BBS9: variants seen among roughly 807,000 people sequenced by gnomAD.
The protein encoded by BBS9 is protein PTHB1.
A neutral mutation model predicts 117.7 loss-of-function variants in BBS9; 89 were observed. The observed-to-expected ratio is 0.76, with a 90% CI of 0.64 to 0.90. The LOEUF is 0.90. Ranked by LOEUF, BBS9 falls within the 40% of genes least tolerant of loss-of-function variation. BBS9 has a pLI of 0.00. For synonymous variants in BBS9, 379 were observed against 370.9 expected (o/e 1.02, Z -0.25); for missense variants, 982 against 1,042.2 (o/e 0.94, Z 0.80).
chr7:33,610,024 C>T (rs1289550833), downstream of BBS9, among the ~76,000 whole-genome samples: 1 of 152,030 alleles, frequency 6.6e-6, no homozygotes, highest in East Asian at 1.9e-4. Context: ...TTTCACCAAT[C>T]ATGATTAAAA....
intron 5 of BBS9, among the ~76,000 whole-genome samples, chr7:33,220,157 G>A (rs561775769): frequency 6.6e-6 from 1 of 152,266 alleles, no homozygotes; most frequent in South Asian, 2.1e-4. Context: ...CCATGTGCCA[G>A]GCATTTTTCT....
At chr7:33,341,446 T>C (rs907395183) in intron 11 of BBS9, among the ~76,000 whole-genome samples, 1 of 152,038 alleles carries the variant, frequency 6.6e-6, no homozygotes, top group Admixed American at 6.6e-5. Flanking sequence ...TAAGAGTATA[T>C]AGTTGGTCCA....
At chr7:33,559,702 C>G (rs1338982557) in intron 21 of BBS9, among the ~76,000 whole-genome samples, 1 of 152,130 alleles carries the variant, frequency 6.6e-6, no homozygotes, top group African/African-American at 2.4e-5. Context: ...GATCATATCC[C>G]TCTAGAGCTT....
At chr7:33,199,926 T>C (rs1003131039) in intron 5 of BBS9, among the ~76,000 whole-genome samples, 1 of 152,046 alleles carries the variant, frequency 6.6e-6, no homozygotes, top group African/African-American at 2.4e-5. Context: ...GTTAATTTGA[T>C]AAAAATAAAA....
chr7:33,519,500 C>T (rs1270326540), intron 20 of BBS9, among the ~76,000 whole-genome samples: 2 of 152,142 alleles, frequency 1.3e-5, no homozygotes, highest in Non-Finnish European at 2.9e-5. Flanking sequence ...ATGTCAGTTA[C>T]AGTAGTCTAT....
intron 5 of BBS9, among the ~76,000 whole-genome samples, chr7:33,206,726 C>T (rs374148557): frequency 6.6e-6 from 1 of 152,082 alleles, no homozygotes; most frequent in East Asian, 1.9e-4. Flanking sequence ...TCTACTGTAT[C>T]ATCCAAATTC....
In BBS9 at chr7:33,425,049, G is replaced by A. The variant is rs1035545243; in HGVS notation, c.2115+36905G>A. ...TTCTATTTTACAGACAAGAAACTGAGCAGTGAGGAGGAAAACCACTTATCT... is the reference window on the plus strand; with the variant it reads ...TTCTATTTTACAGACAAGAAACTGAACAGTGAGGAGGAAAACCACTTATCT... On this transcript the variant is annotated intron_variant, in intron 19 of 22. Transcript: ENST00000242067. 1.8e-4 allele frequency among the ~76,000 whole-genome samples: 28 copies of A among 152,264 alleles called. 1 individual carries two copies. Among genetic ancestry groups the A allele is most frequent in the Admixed American group, 1.4e-3 (22 of 15,300 alleles).
chr7:33,293,037 C>T (rs989751515), intron 9 of BBS9, among the ~76,000 whole-genome samples: 4 of 151,192 alleles, frequency 2.6e-5, no homozygotes, highest in African/African-American at 9.7e-5. Flanking sequence ...GAAAAAGTTT[C>T]AAAAGAAATT....
At chr7:33,276,595 C>T (rs776711771) in intron 9 of BBS9, among the ~76,000 whole-genome samples, 3 of 152,104 alleles carry the variant, frequency 2.0e-5, no homozygotes, top group Non-Finnish European at 4.4e-5. Flanking sequence ...GTTACAGATA[C>T]CCTACACAAT....
chr7:33,417,466 T>C (rs1031493885), intron 19 of BBS9, among the ~76,000 whole-genome samples: 4 of 152,266 alleles, frequency 2.6e-5, no homozygotes, highest in African/African-American at 9.6e-5. Flanking sequence ...TTCTACTGGG[T>C]ATAAAAACTC....
chr7:33,323,013 T>C (rs1311288244), intron 9 of BBS9, among the ~76,000 whole-genome samples: 2 of 152,182 alleles, frequency 1.3e-5, no homozygotes, highest in African/African-American at 4.8e-5. Flanking sequence ...AAGGAGCATA[T>C]TGTTTAATTT....
At chr7:33,485,705 A>G (rs916020984) in intron 19 of BBS9, among the ~76,000 whole-genome samples, 2 of 152,208 alleles carry the variant, frequency 1.3e-5, no homozygotes, top group Non-Finnish European at 2.9e-5. Context: ...TGATATAATG[A>G]ATAACAGCCT....
chr7:33,468,343 A>G (rs1840481654), intron 19 of BBS9, among the ~76,000 whole-genome samples: 1 of 152,262 alleles, frequency 6.6e-6, no homozygotes, highest in Non-Finnish European at 1.5e-5. Context: ...ACACAGTGAT[A>G]AGTGCTTGAG....
chr7:33,386,436 A>G (rs188058877), intron 18 of BBS9, among the ~76,000 whole-genome samples: 1 of 151,204 alleles, frequency 6.6e-6, no homozygotes, highest in Admixed American at 6.6e-5. Flanking sequence ...TTACCCTGTG[A>G]CTTTGACTAG....
At chr7:33,294,980 A>G (rs1225559846) in intron 9 of BBS9, among the ~76,000 whole-genome samples, 1 of 152,086 alleles carries the variant, frequency 6.6e-6, no homozygotes, top group Non-Finnish European at 1.5e-5. Context: ...TACTGTTACA[A>G]TGAGACCAGT....
At chr7:33,338,935 T>C (rs1040589287) in intron 10 of BBS9, among the ~76,000 whole-genome samples, 2 of 152,196 alleles carry the variant, frequency 1.3e-5, no homozygotes, top group Admixed American at 1.3e-4. Context: ...CAGAGAGCAG[T>C]AAGACGTGGG....
chr7:33,268,667 A>G (rs528656710), intron 7 of BBS9, among the ~76,000 whole-genome samples: 1 of 152,230 alleles, frequency 6.6e-6, no homozygotes, highest in Admixed American at 6.5e-5. Flanking sequence ...GTTCTTAGCA[A>G]ATTTCTGTGT....
chr7:33,395,125 A>AT (rs1217566824), intron 19 of BBS9, among the ~76,000 whole-genome samples: 1 of 152,162 alleles, frequency 6.6e-6, no homozygotes, highest in Non-Finnish European at 1.5e-5. Flanking sequence ...ATGTATATTC[A>AT]TGATCATCTA....
intron 10 of BBS9, among the ~76,000 whole-genome samples, chr7:33,337,138 A>G (rs980243607): frequency 2.0e-5 from 3 of 152,154 alleles, no homozygotes; most frequent in African/African-American, 7.2e-5. Context: ...GCTGATTTCT[A>G]ATGACTCAGA....
Sources: allele counts gnomAD v4.1 joint callset (sites outside exome capture counted in the v4.1 genomes callset), GRCh38; gene constraint gnomAD v4.1.1; transcripts MANE v1.5; gene names NCBI Gene and HGNC (gene_info 2026-07-23, HGNC 2026-07-21).